The following SPTBN2 variants were observed in gnomAD, a reference collection of about 807,000 sequenced individuals.
SPTBN2 encodes the protein spectrin beta, non-erythrocytic 2.
Under a neutral mutation model 284.2 loss-of-function variants are expected in SPTBN2, and 107 were observed. The observed-to-expected ratio is 0.38, with a 90% CI of 0.32 to 0.44. SPTBN2 has a LOEUF of 0.44. SPTBN2 is among the 20% of genes least tolerant of loss of function. SPTBN2 has a pLI of 1.00. For missense variants in SPTBN2, 2,569 were observed against 3,287.1 expected (o/e 0.78, Z 5.34); for synonymous variants, 1,289 against 1,354.8 (o/e 0.95, Z 1.07).
chr11:66,721,196 G>T lies in SPTBN2; in HGVS notation c.45C>A (p.Ile15=), dbSNP rs1942385261. 1 of 1,614,160 alleles carries T rather than the reference G, an allele frequency of 6.2e-7. No homozygotes were observed. The highest frequency in any genetic ancestry group is 1.1e-5 in the South Asian group (1 of 91,080). ...LSPTDFDSLE[I]QGQYSDINNR... ...TGTTGATGTCACTGTACTGGCCCTG[G>T]ATTTCCAAGCTGTCAAAGTCTGTGG... The change falls in exon 3 of 38, where the codon ATC becomes ATA. Residue 15 remains isoleucine (I), a synonymous_variant. Coordinates refer to ENST00000533211, the MANE Select transcript of SPTBN2 (RefSeq NM_006946.4).
At chr11:66,688,573 G>A in intron 31 of SPTBN2, 80 bp downstream of exon 31, 2 of 1,571,952 alleles carry the variant, frequency 1.3e-6, no homozygotes, top group Non-Finnish European at 1.7e-6. Context: ...GAAGAGAGAA[G>A]ACATGTCTTC....
chr11:66,685,829 C>T lies in SPTBN2; in HGVS notation c.*42G>A. 1.3e-6 allele frequency: 2 copies of T among 1,595,370 alleles called. No homozygotes were observed. Among genetic ancestry groups the T allele is most frequent in the Non-Finnish European group, 1.7e-6 (2 of 1,164,518 alleles). ...CCCTGTCGACTGTCCCTGGCAGTTT[C>T]CTGAACGGAGGGAGGGAGTTGGCCT... is the stretch of plus-strand genomic sequence containing the variant. On this transcript the variant is annotated 3_prime_UTR_variant, in exon 38 of 38. Coordinates refer to ENST00000533211, the MANE Select transcript of SPTBN2 (RefSeq NM_006946.4). The surrounding 1 kb of genome is among the most constrained non-coding windows in gnomAD (Gnocchi z 4.4).
chr11:66,743,566 C>A (rs1489588409), intron 1 of SPTBN2, among the ~76,000 whole-genome samples: 1 of 152,210 alleles, frequency 6.6e-6, no homozygotes, highest in East Asian at 1.9e-4. Context: ...CAGTTATAGG[C>A]TTAAGCCCCT....
intron 3 of SPTBN2, among the ~76,000 whole-genome samples, chr11:66,717,057 C>T (rs1942181672): frequency 6.6e-6 from 1 of 152,018 alleles, no homozygotes; most frequent in Non-Finnish European, 1.5e-5. Context: ...ACATAAACAC[C>T]CCATTGCTTA....
intron 1 of SPTBN2, among the ~76,000 whole-genome samples, chr11:66,741,485 T>C (rs180703444): frequency 2.0e-5 from 3 of 152,292 alleles, no homozygotes; most frequent in East Asian, 1.9e-4. Context: ...AATGAACTAA[T>C]ACAACATGAA....
intron 1 of SPTBN2, among the ~76,000 whole-genome samples, chr11:66,723,676 C>T (rs373694097): frequency 6.6e-6 from 1 of 152,104 alleles, no homozygotes; most frequent in African/African-American, 2.4e-5. Flanking sequence ...TTCTACGAGG[C>T]CTAGGACTCT....
chr11:66,702,084 C>A (rs1349436311), intron 15 of SPTBN2, among the ~76,000 whole-genome samples: 1 of 152,202 alleles, frequency 6.6e-6, no homozygotes, highest in African/African-American at 2.4e-5. Context: ...TCTCATCCCA[C>A]TAATATGTGT....
At chr11:66,713,783 T>C (rs373897670) in intron 7 of SPTBN2, 37 bp from the exon 8 acceptor site, 18 of 1,488,452 alleles carry the variant, frequency 1.2e-5, no homozygotes, top group Admixed American at 1.7e-5. Flanking sequence ...ATCAGAAACA[T>C]GTGAGATCTC....
chr11:66,726,679 G>A (rs764245426), intron 1 of SPTBN2, among the ~76,000 whole-genome samples: 11 of 152,238 alleles, frequency 7.2e-5, no homozygotes, highest in Non-Finnish European at 1.5e-4. Flanking sequence ...GGTAATGAAA[G>A]AAACAGCACA....
chr11:66,701,417 C>A (rs1197782011), intron 16 of SPTBN2, 135 bp from the exon 17 acceptor site: 4 of 1,474,054 alleles, frequency 2.7e-6, no homozygotes, highest in Non-Finnish European at 3.7e-6. Context: ...ACCACCTTGA[C>A]CCCCTCTCTC....
At chr11:66,739,821 C>G (rs1166457930) in intron 1 of SPTBN2, among the ~76,000 whole-genome samples, 2 of 152,184 alleles carry the variant, frequency 1.3e-5, no homozygotes, top group Non-Finnish European at 2.9e-5. Flanking sequence ...CACATGAGGT[C>G]AGGTGTTCGA....
rs768038632 is a variant in SPTBN2 at position 66,705,661 on chromosome 11, C to T, written c.1807+23G>A. 2.5e-6 allele frequency: 4 copies of T among 1,609,506 alleles called. No homozygotes were observed. In the South Asian group the frequency reaches 3.3e-5, roughly 13 times the overall value. On this transcript the variant is annotated intron_variant, in intron 14 of 37. Transcript: ENST00000533211. ...TGCTCCTTCCCAGCCCCTCCCTCTC[C>T]AGTGCCTTCGCTGACTTCTCACCTT...
rs138868119 is a variant in SPTBN2 at position 66,741,815 on chromosome 11, G to A, written c.-475+2727C>T. 6.8e-3 allele frequency among the ~76,000 whole-genome samples: 1,039 copies of A among 152,058 alleles called. 14 individuals are homozygous for A. The highest frequency in any genetic ancestry group is 0.022 in the African/African-American group (928 of 41,466). On this transcript the variant is annotated intron_variant, in intron 1 of 37. Transcript: ENST00000611817. ...GAGGATGAGGTCTGAGCAAAAAACC[G>A]TTTTTAAAATTTTAATTTTTTTTTT...
chr11:66,730,301 T>C (rs1942786197), upstream of SPTBN2, among the ~76,000 whole-genome samples: 1 of 151,050 alleles, frequency 6.6e-6, no homozygotes, highest in Admixed American at 6.6e-5. Flanking sequence ...CAGCTGCCCA[T>C]GGCCAGGCGC....
rs1939946417 is a variant in SPTBN2 at position 66,683,979 on chromosome 11, G to GAAC, written c.*1889_*1891dup. On this transcript the variant is annotated 3_prime_UTR_variant, in exon 38 of 38. Coordinates refer to ENST00000533211, the MANE Select transcript of SPTBN2 (RefSeq NM_006946.4). ...TACGCGTATCCACCTGTTGGCTGTG[G>GAAC]AACAGTAAATCTACCCATCTTAAGG... Among the ~76,000 whole-genome samples, 1 of 152,222 alleles carries GAAC rather than the reference G, an allele frequency of 6.6e-6. No homozygotes were observed. The highest frequency in any genetic ancestry group is 1.5e-5 in the Non-Finnish European group (1 of 68,038).
In SPTBN2 at chr11:66,721,190, G is replaced by A. The variant is rs1175977313; in HGVS notation, c.51C>T (p.Gly17=). 1 of 1,614,144 alleles carries A rather than the reference G, an allele frequency of 6.2e-7. No homozygotes were observed. The highest frequency in any genetic ancestry group is 8.5e-7 in the Non-Finnish European group (1 of 1,180,030). ...PTDFDSLEIQ[G]QYSDINNRWD... ...AGCGGTTGTTGATGTCACTGTACTG[G>A]CCCTGGATTTCCAAGCTGTCAAAGT... The change falls in exon 3 of 38, where the codon GGC becomes GGT. Residue 17 remains glycine (G), a synonymous_variant. Transcript: ENST00000533211.
rs1441442163 is a variant in SPTBN2 at position 66,700,189 on chromosome 11, A to C, written c.3573+337T>G. 1.3e-5 allele frequency among the ~76,000 whole-genome samples: 2 copies of C among 151,900 alleles called. No homozygotes were observed. Among genetic ancestry groups the C allele is most frequent in the Non-Finnish European group, 2.9e-5 (2 of 67,954 alleles). On this transcript the variant is annotated intron_variant, in intron 17 of 37. Transcript: ENST00000533211. This position sits in a 1 kb window ranked among gnomAD's most constrained non-coding sequence, Gnocchi z 6.6. ...AGGCTGGTCTCAAACTCCTGAGCTC[A>C]AGTTATTCTCCTGCCTCGGCCTCCC... is the stretch of plus-strand genomic sequence containing the variant.
At position 66,686,061 on chromosome 11, in the gene SPTBN2, G is replaced by A. The variant is rs1197742745; in HGVS notation, c.6983C>T (p.Ala2328Val). 2 of 1,613,848 alleles carry A rather than the reference G, an allele frequency of 1.2e-6. No homozygotes were observed. Among genetic ancestry groups the A allele is most frequent in the Admixed American group, 1.7e-5 (1 of 60,004 alleles). ...SWLRVVNAAI[A>V]TASSASGEPE... The stretch of plus-strand genomic sequence containing the variant: ...CTCTCCAGAGGCAGAAGACGCTGTG[G>A]CAATGGCTGCATTCACCACCCGTAG... Residue 2328 changes from alanine (A) to valine (V), a missense_variant, in exon 38 of 38, where the codon GCC (alanine) becomes GTC (valine). Ala to Val is a moderately conservative substitution (Grantham distance 64). Around this residue, in one of 6 missense-constraint regions of SPTBN2, gnomAD observed 1,130 missense variants for 1,317.3 expected, o/e 0.86. Coordinates refer to ENST00000533211, the MANE Select transcript of SPTBN2 (RefSeq NM_006946.4).
chr11:66,692,695 G>A lies in SPTBN2; in HGVS notation c.5031C>T (p.Ala1677=), dbSNP rs201752194. The change falls in exon 26 of 38, where the codon GCC becomes GCT. Residue 1677 remains alanine, a synonymous_variant. Transcript: ENST00000533211. The stretch of plus-strand genomic sequence containing the variant: ...GCTCTCCAGCCAGCTCCTTCAGGCC[G>A]GCATACAGCTTGTCCACCTGGGCTT... ...IRQAQVDKLY[A]GLKELAGERR... 1.9e-4 allele frequency: 298 copies of A among 1,604,400 alleles called. No individual in the cohort carries two copies. The East Asian group carries it at 5.6e-3, about 30-fold the overall frequency.
Sources: gnomAD v4.1 joint callset for allele counts (sites outside exome capture counted in the v4.1 genomes callset) on GRCh38, gnomAD v4.1.1 for gene constraint, gnomAD v4.1.1 regional missense constraint, Gnocchi (gnomAD v3.1) non-coding constraint, MANE v1.5 for transcripts, NCBI Gene and HGNC (gene_info 2026-07-23, HGNC 2026-07-21) for gene names.